ROBO2: variants seen among roughly 807,000 people sequenced by gnomAD.
The protein encoded by ROBO2 is roundabout guidance receptor 2.
In ROBO2, 53 loss-of-function variants were observed where a neutral mutation model predicts 160.8. The observed-to-expected ratio is 0.33, with a 90% CI of 0.26 to 0.41. The LOEUF (loss-of-function observed/expected upper bound fraction) is 0.41. ROBO2 is among the 10% of genes least tolerant of loss of function. The pLI is 1.00. For synonymous variants in ROBO2, 664 were observed against 611.7 expected, an observed-to-expected ratio of 1.09 and a Z score of -1.26; for missense variants, 1,577 against 1,722.4, an observed-to-expected ratio of 0.92 and a Z score of 1.49.
chr3:76,567,653 A>ATATATATAT (rs2084646096), intron 2 of ROBO2, among the ~76,000 whole-genome samples: 2 of 35,900 alleles, frequency 5.6e-5, no homozygotes, highest in South Asian at 1.2e-3. Flanking sequence ...ATATATATAT[A>ATATATATAT]CACATACACA....
chr3:77,490,881 T>C (rs1436893322), intron 4 of ROBO2, among the ~76,000 whole-genome samples: 1 of 152,248 alleles, frequency 6.6e-6, no homozygotes, highest in Non-Finnish European at 1.5e-5. Flanking sequence ...CAGTTTAAGC[T>C]GAAATAATTT....
In ROBO2 at chr3:76,141,431, C is replaced by T. The variant is rs537364219; in HGVS notation, c.109+203829C>T. On this transcript the variant is annotated intron_variant, in intron 2 of 26. Transcript: ENST00000487694. ...GTAACAAACCTGCAGATGTACCCAC[C>T]GAATATAATTTTTTAATGAAAAGTT... is the stretch of plus-strand genomic sequence containing the variant. 7.3e-5 allele frequency among the ~76,000 whole-genome samples: 11 copies of T among 149,838 alleles called. No individual in the cohort carries two copies. In the East Asian group the frequency reaches 2.0e-3, roughly 27 times the overall value.
chr3:76,847,139 G>C (rs2068848826), intron 2 of ROBO2, among the ~76,000 whole-genome samples: 1 of 152,008 alleles, frequency 6.6e-6, no homozygotes, highest in African/African-American at 2.4e-5. Flanking sequence ...TCAACCTTTT[G>C]ATTAGAAGGT....
At position 76,235,503 on chromosome 3, in the gene ROBO2, T is replaced by A. The variant is rs534038116; in HGVS notation, c.109+297901T>A. On this transcript the variant is annotated intron_variant, in intron 2 of 26. Coordinates refer to the ROBO2 transcript ENST00000487694. Reference sequence around the variant, plus strand: ...TTGTTGTTTTTAGCTACCTGGTTAGTGGTCATTTGTTGTAGCAGCCCTAGA... The same window carrying A: ...TTGTTGTTTTTAGCTACCTGGTTAGAGGTCATTTGTTGTAGCAGCCCTAGA... 3.3e-5 allele frequency among the ~76,000 whole-genome samples: 5 copies of A among 152,302 alleles called. No homozygotes were observed. In the South Asian group the frequency reaches 1.0e-3, roughly 32 times the overall value.
At chr3:76,455,796 C>T (rs1425785815) in intron 2 of ROBO2, among the ~76,000 whole-genome samples, 1 of 152,064 alleles carries the variant, frequency 6.6e-6, no homozygotes, top group Non-Finnish European at 1.5e-5. Context: ...TGCCAGTGTC[C>T]ACGTTGACTC....
intron 2 of ROBO2, among the ~76,000 whole-genome samples, chr3:77,216,160 C>T (rs1221377066): frequency 3.3e-5 from 5 of 152,120 alleles, no homozygotes; most frequent in Non-Finnish European, 7.4e-5. Flanking sequence ...TTTGTCTGTG[C>T]CCTGTCCCCA....
intron 2 of ROBO2, among the ~76,000 whole-genome samples, chr3:76,401,555 T>C (rs2077816804): frequency 6.6e-6 from 1 of 151,530 alleles, no homozygotes; most frequent in South Asian, 2.1e-4. Flanking sequence ...GATGAGCAAT[T>C]AACAACAATA....
At chr3:76,953,821 TGTG>T (rs1234611465) in intron 2 of ROBO2, among the ~76,000 whole-genome samples, 9 of 123,562 alleles carry the variant, frequency 7.3e-5, no homozygotes, top group African/African-American at 2.8e-4. Flanking sequence ...CCTTTTTAAA[TGTG>T]TGTGTGTGTG....
chr3:76,404,679 T>C (rs1284780082), intron 2 of ROBO2, among the ~76,000 whole-genome samples: 3 of 151,392 alleles, frequency 2.0e-5, no homozygotes, highest in South Asian at 2.1e-4. Context: ...CGAAGTTGCT[T>C]AGAGGTAGAT....
chr3:76,351,920 T>A (rs1184556548), intron 2 of ROBO2, among the ~76,000 whole-genome samples: 1 of 152,018 alleles, frequency 6.6e-6, no homozygotes, highest in East Asian at 1.9e-4. Flanking sequence ...TCAAAGTGTT[T>A]GGGACATAGC....
chr3:77,133,787 G>A lies in ROBO2; in HGVS notation c.388+35447G>A, dbSNP rs962329688. Among the ~76,000 whole-genome samples, 4 of 152,200 alleles carry A rather than the reference G, an allele frequency of 2.6e-5. No individual in the cohort carries two copies. In the East Asian group the frequency reaches 5.8e-4, roughly 22 times the overall value. ...TTTACAAAATATAGTAATTTTTAGT[G>A]TCCTACCATATTTGTTTGTTATATA... On this transcript the variant is annotated intron_variant, in intron 2 of 25. Transcript: ENST00000461745.
At chr3:76,191,392 T>C (rs886146519) in intron 2 of ROBO2, among the ~76,000 whole-genome samples, 1 of 152,134 alleles carries the variant, frequency 6.6e-6, no homozygotes, top group Admixed American at 6.6e-5. Flanking sequence ...TCGCAAATCA[T>C]GTCAGTACTG....
At chr3:76,862,889 C>T (rs1288065992) in intron 2 of ROBO2, among the ~76,000 whole-genome samples, 1 of 152,116 alleles carries the variant, frequency 6.6e-6, no homozygotes, top group East Asian at 1.9e-4. Flanking sequence ...ATTTTCACGT[C>T]TCTTTTCTCT....
chr3:76,941,724 G>GTC (rs1421322969), intron 2 of ROBO2, among the ~76,000 whole-genome samples: 1 of 152,146 alleles, frequency 6.6e-6, no homozygotes, highest in Admixed American at 6.5e-5. Flanking sequence ...GGATGATTGT[G>GTC]TCTCTCTCCC....
rs1022118171 is a variant in ROBO2, at chr3:76,116,370, G to A, written c.109+178768G>A. On this transcript the variant is annotated intron_variant, in intron 2 of 26. Coordinates refer to the ROBO2 transcript ENST00000487694. ...TCCTTAACGGAATCCTCAGTCAGAC[G>A]TAGAATAAATTAACATATGTAACTG... 2.4e-4 allele frequency among the ~76,000 whole-genome samples: 36 copies of A among 152,120 alleles called. 1 individual carries two copies. The highest frequency in any genetic ancestry group is 1.6e-3 in the Admixed American group (24 of 15,260).
chr3:77,442,838 A>G (rs1252459192), intron 2 of ROBO2, among the ~76,000 whole-genome samples: 1 of 152,166 alleles, frequency 6.6e-6, no homozygotes, highest in Non-Finnish European at 1.5e-5. Context: ...AGTTTCTGAA[A>G]TGGTTTTGCA....
intron 21 of ROBO2, among the ~76,000 whole-genome samples, chr3:77,616,964 G>A (rs1252936969): frequency 1.3e-5 from 2 of 152,064 alleles, no homozygotes; most frequent in African/African-American, 4.8e-5. Flanking sequence ...AGATAAAGAG[G>A]ACATTAGTTT....
At chr3:77,543,795 T>A (rs1325632721) in intron 6 of ROBO2, among the ~76,000 whole-genome samples, 2 of 152,108 alleles carry the variant, frequency 1.3e-5, no homozygotes, top group East Asian at 3.9e-4. Flanking sequence ...GACTCTAAGG[T>A]TTTACTAACT....
chr3:76,433,907 G>C, intron 2 of ROBO2: 2 of 607,192 alleles, frequency 3.3e-6, no homozygotes, highest in Non-Finnish European at 6.0e-6. Flanking sequence ...TTTTTCTCAT[G>C]ACCATTTGTG....
Sources: gnomAD v4.1 joint callset for allele counts (sites outside exome capture counted in the v4.1 genomes callset) on GRCh38, gnomAD v4.1.1 for gene constraint, MANE v1.5 for transcripts, NCBI Gene and HGNC (gene_info 2026-07-23, HGNC 2026-07-21) for gene names.